Variants in GULP1 observed in about 807,000 individuals in gnomAD.
The protein encoded by GULP1 is GULP PTB domain containing engulfment adaptor 1.
GULP1 carries 19 observed loss-of-function variants against 40.9 expected under a neutral mutation model. The ratio of observed to expected loss-of-function variants is 0.46; its 90% CI spans 0.32 to 0.68. The LOEUF is 0.68. Among genes scored for constraint, GULP1 ranks in the 30% least tolerant of loss-of-function variants. The pLI is 0.03. For synonymous variants in GULP1, 119 were observed against 117.6 expected, an observed-to-expected ratio of 1.01 and a Z score of -0.08; for missense variants, 312 against 362.2, an observed-to-expected ratio of 0.86 and a Z score of 1.12.
At chr2:188,359,261 A>G (rs961406926) in intron 1 of GULP1, among the ~76,000 whole-genome samples, 1 of 152,128 alleles carries the variant, frequency 6.6e-6, no homozygotes, top group Non-Finnish European at 1.5e-5. Context: ...CTTATATGCC[A>G]TGCATTGTAC....
intron 7 of GULP1, among the ~76,000 whole-genome samples, chr2:188,557,570 C>A (rs1695101370): frequency 6.6e-6 from 1 of 152,220 alleles, no homozygotes; most frequent in Non-Finnish European, 1.5e-5. Context: ...TGTGGCTTTG[C>A]CATTAAGGTT....
chr2:188,473,588 A>G (rs1217771209), intron 2 of GULP1, among the ~76,000 whole-genome samples: 2 of 152,138 alleles, frequency 1.3e-5, no homozygotes, highest in Non-Finnish European at 2.9e-5. Context: ...CTGCCAGCCT[A>G]CTGCTGATGT....
At chr2:188,472,315 C>T (rs1004467162) in intron 2 of GULP1, among the ~76,000 whole-genome samples, 9 of 152,110 alleles carry the variant, frequency 5.9e-5, no homozygotes, top group East Asian at 1.9e-4. Flanking sequence ...TGCTCTCTTA[C>T]TCTAGGTTTG....
rs751910165 is a variant in GULP1 at position 188,569,158 on chromosome 2, C to T, written c.400-81C>T. On this transcript the variant is annotated intron_variant, in intron 7 of 11. Transcript: ENST00000409830. ...TCTTGTGAATGTCTTGGAGTAAGTG[C>T]TTATATGAATGTTGTTTTCTCGATT... 58 of 771,748 alleles carry T rather than the reference C, an allele frequency of 7.5e-5. 2 individuals are homozygous for T. The highest frequency in any genetic ancestry group is 1.2e-4 in the Non-Finnish European group (53 of 427,546). The allele number at this position is 771,748 out of a possible 1,614,324, so 47.8% of individuals were successfully genotyped here. A position where few individuals can be genotyped will look rare whatever the true frequency, so the allele number is the denominator to read the frequency against.
At chr2:188,298,673 T>C (rs1164374136) in intron 1 of GULP1, among the ~76,000 whole-genome samples, 1 of 152,176 alleles carries the variant, frequency 6.6e-6, no homozygotes, top group East Asian at 1.9e-4. Context: ...CTTTAGTCAT[T>C]TTAAAGGAAG....
intron 2 of GULP1, among the ~76,000 whole-genome samples, chr2:188,452,078 T>C (rs2058879118): frequency 6.6e-6 from 1 of 152,192 alleles, no homozygotes; most frequent in Non-Finnish European, 1.5e-5. Flanking sequence ...CATTTAATAT[T>C]TTCTAATATG....
At chr2:188,417,877 A>G (rs2054793984) in intron 2 of GULP1, among the ~76,000 whole-genome samples, 1 of 152,142 alleles carries the variant, frequency 6.6e-6, no homozygotes, top group African/African-American at 2.4e-5. Flanking sequence ...TGCAGCCTCA[A>G]ACTCCTGGGC....
At chr2:188,314,002 T>TAA (rs1415164296) in intron 1 of GULP1, among the ~76,000 whole-genome samples, 1 of 146,860 alleles carries the variant, frequency 6.8e-6, no homozygotes, top group African/African-American at 2.5e-5. Context: ...AAAGGAAAAT[T>TAA]AAAAAAAAAA....
At chr2:188,407,071 C>T (rs1288467445) in intron 2 of GULP1, among the ~76,000 whole-genome samples, 4 of 152,128 alleles carry the variant, frequency 2.6e-5, no homozygotes, top group Non-Finnish European at 4.4e-5. Context: ...TCAGCAGGGG[C>T]ATTCCAGGCC....
At chr2:188,455,939 C>T (rs530262826) in intron 2 of GULP1, among the ~76,000 whole-genome samples, 1 of 152,252 alleles carries the variant, frequency 6.6e-6, no homozygotes, top group African/African-American at 2.4e-5. Flanking sequence ...ACAAAGGTGA[C>T]TCTTATTATG....
chr2:188,477,476 G>A (rs1316310715), intron 2 of GULP1, among the ~76,000 whole-genome samples, 183 bp from the exon 3 acceptor site: 1 of 152,062 alleles, frequency 6.6e-6, no homozygotes, highest in Non-Finnish European at 1.5e-5. Flanking sequence ...CTATCTGCTT[G>A]TGCCACTCAC....
chr2:188,325,464 A>G (rs921464133), intron 1 of GULP1, among the ~76,000 whole-genome samples: 2 of 152,124 alleles, frequency 1.3e-5, no homozygotes, highest in African/African-American at 4.8e-5. Context: ...TGTCAGAAAA[A>G]AGATACGATA....
At chr2:188,419,201 T>G (rs1038937941) in intron 2 of GULP1, among the ~76,000 whole-genome samples, 1 of 152,170 alleles carries the variant, frequency 6.6e-6, no homozygotes, top group Non-Finnish European at 1.5e-5. Context: ...TGATTTCAAT[T>G]ATTTTGGATA....
At chr2:188,324,740 AG>A (rs1385610710) in intron 1 of GULP1, among the ~76,000 whole-genome samples, 1 of 152,002 alleles carries the variant, frequency 6.6e-6, no homozygotes, top group East Asian at 1.9e-4. Flanking sequence ...TTCAAATTTG[AG>A]GAAAGACATG....
At position 188,553,356 on chromosome 2, in the gene GULP1, T is replaced by G. The variant is rs185476219; in HGVS notation, c.399+12038T>G. Reference sequence around the variant, plus strand: ...TATGTTTCTTCTGTGCCTGGTTTGTTGAGAGATTGTTATCATGAAGGAATG... The same window carrying G: ...TATGTTTCTTCTGTGCCTGGTTTGTGGAGAGATTGTTATCATGAAGGAATG... On this transcript the variant is annotated intron_variant, in intron 7 of 11. Coordinates refer to ENST00000409830, the MANE Select transcript of GULP1 (RefSeq NM_016315.4). 2.1e-3 allele frequency among the ~76,000 whole-genome samples: 317 copies of G among 152,166 alleles called. 1 individual carries two copies. The highest frequency in any genetic ancestry group is 7.1e-3 in the African/African-American group (297 of 41,560).
chr2:188,404,376 CTT>C (rs1033735712), intron 2 of GULP1, among the ~76,000 whole-genome samples: 79 of 152,310 alleles, frequency 5.2e-4, no homozygotes, highest in African/African-American at 1.9e-3. Context: ...GACAGACACT[CTT>C]TACATTACCC....
chr2:188,561,282 C>T (rs1306677346), intron 7 of GULP1, among the ~76,000 whole-genome samples: 1 of 152,176 alleles, frequency 6.6e-6, no homozygotes, highest in Non-Finnish European at 1.5e-5. Context: ...GGATGCCAGT[C>T]ATGGGCACAG....
chr2:188,492,718 G>A (rs1382251831), intron 4 of GULP1, among the ~76,000 whole-genome samples: 1 of 151,970 alleles, frequency 6.6e-6, no homozygotes, highest in African/African-American at 2.4e-5. Flanking sequence ...AGAAAAAAAA[G>A]TGAAGTGAAT....
At chr2:188,441,981 A>T (rs1416158040) in intron 2 of GULP1, among the ~76,000 whole-genome samples, 3 of 152,260 alleles carry the variant, frequency 2.0e-5, no homozygotes, top group Non-Finnish European at 4.4e-5. Context: ...AACATAAAAA[A>T]TAGCCTTTAA....
Sources: gnomAD v4.1 joint callset for allele counts (sites outside exome capture counted in the v4.1 genomes callset) on GRCh38, gnomAD v4.1.1 for gene constraint, MANE v1.5 for transcripts, NCBI Gene and HGNC (gene_info 2026-07-23, HGNC 2026-07-21) for gene names.